The following GASK1A variants were observed in gnomAD, a reference collection of about 807,000 sequenced individuals.
GASK1A encodes Golgi-associated kinase 1A.
A neutral mutation model predicts 41.2 loss-of-function variants in GASK1A; 40 were observed. That is an observed-to-expected ratio of 0.97 (90% CI 0.75 to 1.27). The LOEUF (loss-of-function observed/expected upper bound fraction) is 1.27, where lower values mean the gene tolerates loss of function less well. GASK1A is among the 50% of genes most tolerant of loss of function. GASK1A has a pLI of 0.00. For synonymous variants in GASK1A, 316 were observed against 307.1 expected (o/e 1.03, Z -0.30); for missense variants, 678 against 745.1 (o/e 0.91, Z 1.05).
intron 2 of GASK1A, among the ~76,000 whole-genome samples, chr3:43,038,512 AC>A (rs2089616092): frequency 6.6e-6 from 1 of 152,136 alleles, no homozygotes; most frequent in African/African-American, 2.4e-5. Context: ...TGGTGTATTC[AC>A]TGCTTTATGC....
At chr3:43,040,186 A>G (rs1435702754) in intron 2 of GASK1A, among the ~76,000 whole-genome samples, 2 of 151,870 alleles carry the variant, frequency 1.3e-5, no homozygotes, top group African/African-American at 2.4e-5. Context: ...AAGGTATAAA[A>G]CAACTATTTT....
chr3:42,979,754 C>T, intron 1 of GASK1A, 109 bp downstream of exon 1: 7 of 1,117,036 alleles, frequency 6.3e-6, no homozygotes, highest in Non-Finnish European at 8.0e-6. Flanking sequence ...GCGCGGCCTC[C>T]CGAGGCCGGA....
At chr3:43,053,667 C>T in intron 3 of GASK1A, 24 bp downstream of exon 3, 1 of 1,551,648 alleles carries the variant, frequency 6.4e-7, no homozygotes, top group Non-Finnish European at 8.7e-7. Context: ...ACACCATCCC[C>T]TTGTCACCCC....
intron 2 of GASK1A, among the ~76,000 whole-genome samples, chr3:43,042,329 A>G (rs1375484663): frequency 6.6e-6 from 1 of 150,554 alleles, no homozygotes; most frequent in Non-Finnish European, 1.5e-5. Flanking sequence ...AAAAAAAATT[A>G]AAACTTAGCC....
intron 1 of GASK1A, among the ~76,000 whole-genome samples, chr3:43,011,896 G>T (rs908991055): frequency 1.3e-5 from 2 of 151,898 alleles, no homozygotes; most frequent in Admixed American, 6.6e-5. Flanking sequence ...GTCATAGGAA[G>T]GGGTAGTGTG....
At chr3:43,011,380 CAA>C (rs55954875) in intron 1 of GASK1A, among the ~76,000 whole-genome samples, 1,630 of 87,178 alleles carry the variant, frequency 0.019, 20 homozygotes, top group African/African-American at 0.057. Context: ...GACTCCATCT[CAA>C]AAAAAAAAAA....
intron 1 of GASK1A, among the ~76,000 whole-genome samples, chr3:42,980,169 C>G (rs1477358722): frequency 6.6e-6 from 1 of 152,218 alleles, no homozygotes. Flanking sequence ...AATCCGCCTT[C>G]CTCTACCTCC....
Position 43,013,512 on chromosome 3 carries a change from C to T in GASK1A, c.4-18755C>T, listed in dbSNP as rs574306335. On this transcript the variant is annotated intron_variant, in intron 1 of 4. Coordinates refer to ENST00000430121, the MANE Select transcript of GASK1A (RefSeq NM_001129908.3). ...CACAGGAAGGGGCTGTGTGAAGCCA[C>T]AGGAAGAGGCAGTGGGTAGTCACAG... 5.3e-5 allele frequency among the ~76,000 whole-genome samples: 8 copies of T among 151,978 alleles called. No individual in the cohort carries two copies. In the South Asian group the frequency reaches 1.7e-3, roughly 32 times the overall value.
chr3:43,047,809 T>C (rs2089671137), intron 2 of GASK1A, among the ~76,000 whole-genome samples: 2 of 152,162 alleles, frequency 1.3e-5, no homozygotes, highest in African/African-American at 2.4e-5. Flanking sequence ...ATCATGATAA[T>C]ATGGAGCTGC....
chr3:43,023,820 C>T (rs1211381882), intron 1 of GASK1A, among the ~76,000 whole-genome samples: 2 of 152,174 alleles, frequency 1.3e-5, no homozygotes, highest in African/African-American at 2.4e-5. Context: ...TTGAATGCCT[C>T]TCAAGAGGGA....
intron 1 of GASK1A, among the ~76,000 whole-genome samples, chr3:43,006,001 T>G (rs963951431): frequency 6.6e-6 from 1 of 152,228 alleles, no homozygotes; most frequent in Non-Finnish European, 1.5e-5. Flanking sequence ...GGGTAGGGAC[T>G]GCTGTATTAT....
intron 1 of GASK1A, among the ~76,000 whole-genome samples, chr3:43,012,534 G>A (rs2125679994): frequency 6.6e-6 from 1 of 151,954 alleles, no homozygotes; most frequent in East Asian, 1.9e-4. Context: ...GTCACATGAA[G>A]GGGCTATGTG....
At chr3:42,988,194 C>T (rs1329043516) in intron 1 of GASK1A, among the ~76,000 whole-genome samples, 1 of 152,100 alleles carries the variant, frequency 6.6e-6, no homozygotes, top group Non-Finnish European at 1.5e-5. Flanking sequence ...GGGGCTGTGG[C>T]TGCTGCATCC....
chr3:43,035,527 G>A (rs1219555971), intron 2 of GASK1A, among the ~76,000 whole-genome samples: 4 of 152,184 alleles, frequency 2.6e-5, no homozygotes, highest in African/African-American at 9.7e-5. Flanking sequence ...CAGGATTGGA[G>A]CCCAGTTATT....
chr3:43,037,129 C>A, intron 2 of GASK1A: 1 of 834,994 alleles, frequency 1.2e-6, no homozygotes, highest in Non-Finnish European at 1.9e-6. Flanking sequence ...TCAAACCAGG[C>A]AGCGATTCAG....
intron 1 of GASK1A, 109 bp from the exon 2 acceptor site, chr3:43,032,158 C>T: frequency 1.1e-6 from 1 of 900,686 alleles, no homozygotes; most frequent in East Asian, 2.7e-5. Context: ...GTGCTCTTCT[C>T]TTTCTCTCAT....
intron 1 of GASK1A, among the ~76,000 whole-genome samples, chr3:43,000,238 G>GAGATCAATGTGGCCTT (rs6147800): frequency 6.6e-6 from 1 of 151,998 alleles, no homozygotes; most frequent in African/African-American, 2.4e-5. Context: ...GGGGCCGAGT[G>GAGATCAATGTGGCCTT]TCCAATGCTT....
intron 1 of GASK1A, among the ~76,000 whole-genome samples, chr3:43,010,848 G>A (rs1040206436): frequency 1.3e-5 from 2 of 152,104 alleles, no homozygotes; most frequent in Non-Finnish European, 2.9e-5. Context: ...GCAGAACCTG[G>A]GCAGACAGCC....
intron 1 of GASK1A, among the ~76,000 whole-genome samples, chr3:42,989,015 T>C (rs1304937841): frequency 2.0e-5 from 3 of 152,260 alleles, no homozygotes; most frequent in East Asian, 3.8e-4. Context: ...TGTTAAATGC[T>C]TGGTGATATC....
Sources: allele counts gnomAD v4.1 joint callset (sites outside exome capture counted in the v4.1 genomes callset), GRCh38; gene constraint gnomAD v4.1.1; transcripts MANE v1.5; gene names NCBI Gene and HGNC (gene_info 2026-07-23, HGNC 2026-07-21).